The following MYRF variants were observed in gnomAD, a reference collection of about 807,000 sequenced individuals.
MYRF encodes myelin gene regulatory factor.
MYRF carries 16 observed loss-of-function variants against 126.3 expected under a neutral mutation model. The ratio of observed to expected loss-of-function variants is 0.13; its 90% confidence interval spans 0.09 to 0.19. The LOEUF (loss-of-function observed/expected upper bound fraction) is 0.19. MYRF is among the 10% of genes least tolerant of loss of function. The pLI is 1.00. For missense variants in MYRF, 1,104 were observed against 1,547.0 expected (o/e 0.71, Z 4.80); for synonymous variants, 608 against 635.3 (o/e 0.96, Z 0.65).
At position 61,780,241 on chromosome 11, in the gene MYRF, C is replaced by T. The variant is rs139344490; in HGVS notation, c.2356C>T (p.Leu786=). Reference sequence around the variant, plus strand: ...CTCCAGCGTGGTGTCCATGTCCACACTGTACGTGCTGAGCCTGCGCACAGA... The same window carrying T: ...CTCCAGCGTGGTGTCCATGTCCACATTGTACGTGCTGAGCCTGCGCACAGA... The part of the protein sequence containing the change: ...MAFSVVSMST[L]YVLSLRTEED... Residue 786 remains leucine (L), a synonymous_variant, in exon 18 of 27, where the codon CTG becomes TTG. Transcript: ENST00000278836. The T allele has an allele frequency of 6.2e-7, 1 of 1,614,132 alleles. No homozygotes were observed. Among genetic ancestry groups the T allele is most frequent in the Non-Finnish European group, 8.5e-7 (1 of 1,180,000 alleles).
chr11:61,752,882 G>A, intron 1 of MYRF, 92 bp downstream of exon 1: 4 of 1,246,124 alleles, frequency 3.2e-6, no homozygotes, highest in Non-Finnish European at 3.2e-6. Context: ...CTGTGTTTCC[G>A]CCTCCTCTGG....
chr11:61,765,892 G>C (rs2066042779), intron 2 of MYRF, 66 bp from the exon 3 acceptor site: 2 of 1,459,138 alleles, frequency 1.4e-6, no homozygotes, highest in Non-Finnish European at 1.8e-6. Flanking sequence ...CTGCAGGGAG[G>C]GGGCGGCTAC....
chr11:61,772,560 C>T (rs1316966500), intron 7 of MYRF, among the ~76,000 whole-genome samples: 8 of 152,250 alleles, frequency 5.3e-5, no homozygotes, highest in Non-Finnish European at 1.2e-4. Flanking sequence ...AATTCTTAGC[C>T]AGCAGTCCCA....
intron 3 of MYRF, chr11:61,766,890 C>G (rs1031057820): frequency 4.3e-5 from 17 of 392,734 alleles, no homozygotes; most frequent in South Asian, 2.6e-4. Context: ...TGTAGGGGCC[C>G]CTGTCTCTGG....
In MYRF at chr11:61,752,722, AGT is replaced by A; in HGVS notation, c.-19_-18del. The A allele has an allele frequency of 7.0e-7, 1 of 1,434,784 alleles. No individual in the cohort carries two copies. The highest frequency in any genetic ancestry group is 9.1e-7 in the Non-Finnish European group (1 of 1,098,804). The allele number at this position is 1,434,784 out of a possible 1,614,324, so 88.9% of individuals were successfully genotyped here. The stretch of plus-strand genomic sequence containing the variant: ...CGGGCTGTAGCGGGGCCGCGGCTGG[AGT>A]GTGCGCCGGGCAGGCGGGACATGGA... On this transcript the variant is annotated 5_prime_UTR_variant, in exon 1 of 27. Transcript: ENST00000278836.
chr11:61,779,642 G>A, intron 16 of MYRF, 72 bp downstream of exon 16: 3 of 1,382,472 alleles, frequency 2.2e-6, no homozygotes, highest in Admixed American at 2.8e-5. Context: ...CTGGCTTGCA[G>A]TTCTCCAGCC....
At position 61,776,001 on chromosome 11, in the gene MYRF, G is replaced by T; in HGVS notation, c.1312-55G>T. On this transcript the variant is annotated intron_variant, in intron 8 of 26. Transcript: ENST00000278836. This position sits in a 1 kb window ranked among gnomAD's most constrained non-coding sequence, Gnocchi z 4.3. Reference sequence around the variant, plus strand: ...GGCCTGGCTGAGAGGGGGCAGGAGGGCAGGACCAGCCGGGTAGCCCCATCC... The same window carrying T: ...GGCCTGGCTGAGAGGGGGCAGGAGGTCAGGACCAGCCGGGTAGCCCCATCC... 6.4e-7 allele frequency: 1 copy of T among 1,565,690 alleles called. No homozygotes were observed. Among genetic ancestry groups the T allele is most frequent in the Non-Finnish European group, 8.8e-7 (1 of 1,136,740 alleles).
Position 61,777,195 on chromosome 11 carries a change from C to G in MYRF, c.1591-69C>G. On this transcript the variant is annotated intron_variant, in intron 11 of 26. Coordinates refer to ENST00000278836, the MANE Select transcript of MYRF (RefSeq NM_001127392.3). The surrounding 1 kb of genome is among the most constrained non-coding windows in gnomAD (Gnocchi z 8.8). ...GGGGAGGGGCTGCTGTGGAGTTTCC[C>G]CCTGCTCCCAGGGCCCTGCAGGTCC... 1 of 1,516,208 alleles carries G rather than the reference C, an allele frequency of 6.6e-7. No individual in the cohort carries two copies. The highest frequency in any genetic ancestry group is 9.0e-7 in the Non-Finnish European group (1 of 1,110,536). The allele number at this position is 1,516,208 out of a possible 1,614,324, so 93.9% of individuals were successfully genotyped here.
intron 1 of MYRF, chr11:61,755,354 C>T (rs978087635): frequency 4.4e-6 from 7 of 1,599,138 alleles, no homozygotes; most frequent in Non-Finnish European, 5.1e-6. Flanking sequence ...CCGGCTAATC[C>T]CCTAGAGAGA....
intron 3 of MYRF, 121 bp downstream of exon 3, chr11:61,766,342 C>A: frequency 3.6e-6 from 4 of 1,125,448 alleles, no homozygotes; most frequent in Non-Finnish European, 4.9e-6. Flanking sequence ...GGGTGACTGG[C>A]TGTGCGTGGG....
rs1591138612 is a variant in MYRF at position 61,786,607 on chromosome 11, G to A, written c.*464G>A. 3 of 176,110 alleles carry A rather than the reference G, an allele frequency of 1.7e-5. No individual in the cohort carries two copies. The Middle Eastern group carries it at 8.1e-3, about 473-fold the overall frequency. 10.9% of individuals were successfully genotyped at this position (176,110 alleles called of 1,614,324 possible). ...GATCCAGCCCTAAGAGACTTGGGTGGACCCCCATGAGTCAATGGAGGGCAG... is the reference window on the plus strand; with the variant it reads ...GATCCAGCCCTAAGAGACTTGGGTGAACCCCCATGAGTCAATGGAGGGCAG... On this transcript the variant is annotated 3_prime_UTR_variant, in exon 27 of 27. Coordinates refer to ENST00000278836, the MANE Select transcript of MYRF (RefSeq NM_001127392.3). This position sits in a 1 kb window ranked among gnomAD's most constrained non-coding sequence, Gnocchi z 4.5.
chr11:61,765,538 C>T, intron 1 of MYRF, 87 bp from the exon 2 acceptor site: 1 of 1,111,560 alleles, frequency 9.0e-7, no homozygotes, highest in Non-Finnish European at 1.3e-6. Flanking sequence ...GAGGGCCAGC[C>T]TGGGCAGGGA....
Position 61,783,817 on chromosome 11 carries a change from C to A in MYRF, c.3120-34C>A. On this transcript the variant is annotated intron_variant, in intron 23 of 26. Coordinates refer to ENST00000278836, the MANE Select transcript of MYRF (RefSeq NM_001127392.3). This position sits in a 1 kb window ranked among gnomAD's most constrained non-coding sequence, Gnocchi z 4.6. ...GGTGGGGGTGGGGGGTGGCAGGGTACCCTCAGGCTAAGGTGCCAGTTTTGC... is the reference window on the plus strand; with the variant it reads ...GGTGGGGGTGGGGGGTGGCAGGGTAACCTCAGGCTAAGGTGCCAGTTTTGC... 1 of 1,564,806 alleles carries A rather than the reference C, an allele frequency of 6.4e-7. No homozygotes were observed. The highest frequency in any genetic ancestry group is 2.0e-4 in the Middle Eastern group (1 of 5,038).
Position 61,752,927 on chromosome 11 carries a change from A to G in MYRF, c.46+137A>G, listed in dbSNP as rs2065645177. The G allele has an allele frequency of 1.1e-5, 9 of 819,212 alleles. No individual in the cohort carries two copies. The South Asian group carries it at 1.4e-4, about 13-fold the overall frequency. 50.7% of individuals were successfully genotyped at this position (819,212 alleles called of 1,614,324 possible). A position where few individuals can be genotyped will look rare whatever the true frequency, so the allele number is the denominator to read the frequency against. ...TCCTTCAGGCTGGCACCAGCCCGCC[A>G]AGACAGGCTCCCGGGGCTGGGAGTC... is the stretch of plus-strand genomic sequence containing the variant. On this transcript the variant is annotated intron_variant, in intron 1 of 26. Transcript: ENST00000278836.
At position 61,766,148 on chromosome 11, in the gene MYRF, G is replaced by C; in HGVS notation, c.325G>C (p.Ala109Pro). 1 of 1,611,386 alleles carries C rather than the reference G, an allele frequency of 6.2e-7. No homozygotes were observed. The highest frequency in any genetic ancestry group is 1.1e-5 in the South Asian group (1 of 91,072). The change falls in exon 3 of 27, where the codon GCT becomes CCT. Residue 109 changes from alanine (A) to proline (P), a missense_variant. Physicochemically the swap from Ala to Pro is conservative, Grantham distance 27. This residue lies in a region of MYRF where 368 missense variants were observed against 403.9 expected (regional missense o/e 0.91). Transcript: ENST00000278836. Reference sequence around the variant, plus strand: ...CTGCAACAACAACAACGGCATGGGCGCTGCCCCCAAGCCCTTCCCGGGGGG... The same window carrying C: ...CTGCAACAACAACAACGGCATGGGCCCTGCCCCCAAGCCCTTCCCGGGGGG... ...LNCNNNNGMG[A>P]APKPFPGGTG...
chr11:61,758,126 A>T (rs965246277), intron 1 of MYRF, among the ~76,000 whole-genome samples: 1 of 151,946 alleles, frequency 6.6e-6, no homozygotes, highest in South Asian at 2.1e-4. Context: ...GGTGGGGAGT[A>T]CAGTTGGGTC....
chr11:61,771,963 T>C lies in MYRF; in HGVS notation c.1115+11T>C, dbSNP rs745538494. On this transcript the variant is annotated intron_variant, in intron 7 of 26. Coordinates refer to ENST00000278836, the MANE Select transcript of MYRF (RefSeq NM_001127392.3). The stretch of plus-strand genomic sequence containing the variant: ...TAACTACAAGGAGCTGTGAGTGCCC[T>C]ACAACACTCCCCACTCCTCCAGGCC... The C allele has an allele frequency of 6.2e-7, 1 of 1,613,666 alleles. No homozygotes were observed. Among genetic ancestry groups the C allele is most frequent in the East Asian group, 2.2e-5 (1 of 44,832 alleles).
chr11:61,759,602 G>A (rs1377411781), intron 1 of MYRF, among the ~76,000 whole-genome samples: 2 of 152,042 alleles, frequency 1.3e-5, no homozygotes, highest in African/African-American at 4.8e-5. Context: ...CTCAGGAGGC[G>A]GAAGTTGCAG....
rs2066432480 is a variant in MYRF at position 61,777,919 on chromosome 11, C to T, written c.1903+74C>T. 1.6e-5 allele frequency: 19 copies of T among 1,199,214 alleles called. No individual in the cohort carries two copies. Among genetic ancestry groups the T allele is most frequent in the Middle Eastern group, 1.9e-4 (1 of 5,256 alleles). The allele number at this position is 1,199,214 out of a possible 1,614,324, so 74.3% of individuals were successfully genotyped here. A position where few individuals can be genotyped will look rare whatever the true frequency, so the allele number is the denominator to read the frequency against. ...GGGCCTCAGTGACCTTGCCCCCTGT[C>T]ACCTGGAAATCCTACTCCTCTTGAC... On this transcript the variant is annotated intron_variant, in intron 13 of 26. Coordinates refer to ENST00000278836, the MANE Select transcript of MYRF (RefSeq NM_001127392.3). The surrounding 1 kb of genome is among the most constrained non-coding windows in gnomAD (Gnocchi z 8.8).
Sources: allele counts gnomAD v4.1 joint callset (sites outside exome capture counted in the v4.1 genomes callset), GRCh38; gene constraint gnomAD v4.1.1; regional missense constraint gnomAD v4.1.1; non-coding constraint Gnocchi (gnomAD v3.1); transcripts MANE v1.5; gene names NCBI Gene and HGNC (gene_info 2026-07-23, HGNC 2026-07-21).